The following LCOR variants were observed in gnomAD, a reference collection of about 807,000 sequenced individuals.
The protein encoded by LCOR is ligand-dependent corepressor.
A neutral mutation model predicts 64.4 loss-of-function variants in LCOR; 14 were observed. The observed-to-expected ratio is 0.22, with a 90% CI of 0.14 to 0.34. The LOEUF is 0.34. LCOR is among the 10% of genes least tolerant of loss of function. The pLI is 1.00. For synonymous variants in LCOR, 643 were observed against 642.5 expected, an observed-to-expected ratio of 1.00 and a Z score of -0.01; for missense variants, 1,686 against 1,765.3, an observed-to-expected ratio of 0.96 and a Z score of 0.80.
chr10:96,884,904 T>C (rs542046562), intron 2 of LCOR, among the ~76,000 whole-genome samples: 55 of 152,348 alleles, frequency 3.6e-4, no homozygotes, highest in African/African-American at 1.2e-3. Flanking sequence ...TCATTTCTGG[T>C]ACGTGAGGCA....
At chr10:96,949,854 C>G (rs936036928) in intron 6 of LCOR, among the ~76,000 whole-genome samples, 2 of 152,172 alleles carry the variant, frequency 1.3e-5, no homozygotes, top group Non-Finnish European at 2.9e-5. Context: ...CATATATAAA[C>G]ACACACATCC....
At chr10:96,956,947 A>G (rs1343274440) in intron 7 of LCOR, 4 of 984,942 alleles carry the variant, frequency 4.1e-6, no homozygotes, top group Non-Finnish European at 4.8e-6. Flanking sequence ...TAATTATGAT[A>G]TTGCAAAAGT....
chr10:96,857,180 G>C (rs936023536), intron 2 of LCOR, among the ~76,000 whole-genome samples: 1 of 152,064 alleles, frequency 6.6e-6, no homozygotes, highest in African/African-American at 2.4e-5. Context: ...TTTAGACAAA[G>C]AAATAGTGTT....
rs958444552 is a variant in LCOR, at chr10:96,918,243, A to G, written c.-184+10496A>G. ...AGTTGTCTTCCTGGCCCCATACTCT[A>G]TAATGACAGGGGGGATGGGTTGTCA... On this transcript the variant is annotated intron_variant, in intron 4 of 7. Coordinates refer to ENST00000421806, the MANE Select transcript of LCOR (RefSeq NM_001346516.2). Among the ~76,000 whole-genome samples, 7 of 152,334 alleles carry G rather than the reference A, an allele frequency of 4.6e-5. No individual in the cohort carries two copies. The East Asian group carries it at 9.6e-4, about 21-fold the overall frequency.
chr10:96,974,562 A>G (rs1383902446), intron 7 of LCOR, among the ~76,000 whole-genome samples: 1 of 152,234 alleles, frequency 6.6e-6, no homozygotes, highest in African/African-American at 2.4e-5. Flanking sequence ...CCGAACTAAA[A>G]CAGTGCTTCC....
chr10:96,877,872 A>G (rs903900738), intron 2 of LCOR, among the ~76,000 whole-genome samples: 1 of 152,064 alleles, frequency 6.6e-6, no homozygotes, highest in Non-Finnish European at 1.5e-5. Flanking sequence ...CGGCCTCCCA[A>G]AGTGTTGGGA....
intron 2 of LCOR, among the ~76,000 whole-genome samples, chr10:96,885,036 C>T (rs1013714933): frequency 6.6e-6 from 1 of 152,140 alleles, no homozygotes; most frequent in African/African-American, 2.4e-5. Context: ...TTTAAGTTGT[C>T]TTCACATACT....
chr10:96,832,547 G>A (rs1564594856), intron 1 of LCOR, 148 bp downstream of exon 1: 1 of 156,234 alleles, frequency 6.4e-6, no homozygotes, highest in South Asian at 2.4e-4. Flanking sequence ...CCACCCCCCG[G>A]AGTGTGAGCG....
At chr10:96,894,372 C>T (rs1346481823) in intron 2 of LCOR, among the ~76,000 whole-genome samples, 2 of 152,134 alleles carry the variant, frequency 1.3e-5, no homozygotes, top group African/African-American at 4.8e-5. Context: ...CCACCGCATC[C>T]GGCCTGAGAG....
At position 96,985,383 on chromosome 10, in the gene LCOR, G is replaced by A. The variant is rs954764524; in HGVS notation, c.*249G>A. 8 of 396,996 alleles carry A rather than the reference G, an allele frequency of 2.0e-5. No homozygotes were observed. The East Asian group carries it at 3.6e-4, about 18-fold the overall frequency. The allele number at this position is 396,996 out of a possible 1,614,324, so 24.6% of individuals were successfully genotyped here. A position where few individuals can be genotyped will look rare whatever the true frequency, so the allele number is the denominator to read the frequency against. On this transcript the variant is annotated 3_prime_UTR_variant, in exon 8 of 8. Transcript: ENST00000421806. ...TGGGTTTTAAACTTGGAACCAAGCA[G>A]TTTTCGTTTTTAAAAGTACAGTGCC...
In LCOR at chr10:96,912,323, T is replaced by C. The variant is rs140613171; in HGVS notation, c.-184+4576T>C. ...TTGTAAAAGGAATTCCCGTATATTC[T>C]TTAACCAGATTCTCCAAATGTTAGC... On this transcript the variant is annotated intron_variant, in intron 4 of 7. Transcript: ENST00000421806. Among the ~76,000 whole-genome samples the C allele has an allele frequency of 3.3e-3, 500 of 152,378 alleles. 3 individuals carry two copies. Among genetic ancestry groups the C allele is most frequent in the African/African-American group, 0.012 (481 of 41,594 alleles).
intron 4 of LCOR, among the ~76,000 whole-genome samples, chr10:96,936,133 C>T (rs558790563): frequency 6.6e-6 from 1 of 152,358 alleles, no homozygotes; most frequent in African/African-American, 2.4e-5. Flanking sequence ...TGGAGCAAAC[C>T]TCAAACACTG....
chr10:96,915,091 C>T (rs1350258831), intron 4 of LCOR, among the ~76,000 whole-genome samples: 1 of 152,156 alleles, frequency 6.6e-6, no homozygotes, highest in African/African-American at 2.4e-5. Context: ...AAGAGGAAGT[C>T]TCTCAAAACT....
chr10:96,952,315 T>C (rs1260347716), intron 7 of LCOR, 119 bp downstream of exon 7: 2 of 651,548 alleles, frequency 3.1e-6, no homozygotes, highest in Non-Finnish European at 5.4e-6. Context: ...TTTATAAATA[T>C]GGACCATAGA....
At position 96,987,230 on chromosome 10, in the gene LCOR, GT is replaced by G. The variant is rs1240183841; in HGVS notation, c.*2100del. ...TTTAATCTTAAAAAATGGTTTTAAG[GT>G]TTTAAAAATGTCTTTTCATATAGTT... On this transcript the variant is annotated 3_prime_UTR_variant, in exon 8 of 8. Coordinates refer to ENST00000421806, the MANE Select transcript of LCOR (RefSeq NM_001346516.2). The G allele has an allele frequency of 2.6e-5, 4 of 152,198 alleles. No homozygotes were observed. Among genetic ancestry groups the G allele is most frequent in the African/African-American group, 9.6e-5 (4 of 41,452 alleles). 9.4% of individuals were successfully genotyped at this position (152,198 alleles called of 1,614,324 possible).
chr10:96,931,697 T>C (rs1847264054), intron 4 of LCOR, among the ~76,000 whole-genome samples: 1 of 152,228 alleles, frequency 6.6e-6, no homozygotes, highest in African/African-American at 2.4e-5. Flanking sequence ...CACTTTCTCC[T>C]GAAAGCTGTA....
At chr10:96,916,667 T>C (rs1432735546) in intron 4 of LCOR, among the ~76,000 whole-genome samples, 1 of 150,676 alleles carries the variant, frequency 6.6e-6, no homozygotes, top group Non-Finnish European at 1.5e-5. Flanking sequence ...CAAGCTGGAG[T>C]ACGGTGGCAC....
At chr10:96,920,645 T>TC (rs1564626334) in intron 4 of LCOR, among the ~76,000 whole-genome samples, 7 of 139,612 alleles carry the variant, frequency 5.0e-5, no homozygotes, top group African/African-American at 1.2e-4. Flanking sequence ...CATATATGTG[T>TC]ATATATGTGT....
At position 96,955,925 on chromosome 10, in the gene LCOR, A is replaced by G. The variant is rs375928344; in HGVS notation, c.332+3729A>G. On this transcript the variant is annotated intron_variant, in intron 7 of 7. Coordinates refer to ENST00000421806, the MANE Select transcript of LCOR (RefSeq NM_001346516.2). ...CAAATGAATCAAAAAACGAGTAGGA[A>G]TACTGTAGAGTGCCAATTACTGTAC... 45 of 1,610,406 alleles carry G rather than the reference A, an allele frequency of 2.8e-5. No individual in the cohort carries two copies. In the African/African-American group the frequency reaches 4.4e-4, roughly 16 times the overall value.
Sources: allele counts gnomAD v4.1 joint callset (sites outside exome capture counted in the v4.1 genomes callset), GRCh38; gene constraint gnomAD v4.1.1; transcripts MANE v1.5; gene names NCBI Gene and HGNC (gene_info 2026-07-23, HGNC 2026-07-21).